CSMD1: variants seen among roughly 807,000 people sequenced by gnomAD.
CSMD1 encodes the protein CUB and sushi domain-containing protein 1.
CSMD1 carries 213 observed loss-of-function variants against 417.5 expected under a neutral mutation model. The ratio of observed to expected loss-of-function variants is 0.51; its 90% confidence interval spans 0.46 to 0.57. The LOEUF (loss-of-function observed/expected upper bound fraction) is 0.57. Ranked by LOEUF, CSMD1 falls within the 20% of genes least tolerant of loss-of-function variation. CSMD1 has a pLI of 0.00. For synonymous variants in CSMD1, 2,862 were observed against 1,736.8 expected (o/e 1.65, Z -16.11); for missense variants, 6,923 against 4,529.7 (o/e 1.53, Z -15.17).
At chr8:3,502,525 A>C (rs1471322090) in intron 10 of CSMD1, among the ~76,000 whole-genome samples, 1 of 152,206 alleles carries the variant, frequency 6.6e-6, no homozygotes, top group Non-Finnish European at 1.5e-5. Context: ...AATATTATTC[A>C]GGGCTAAAAG....
intron 5 of CSMD1, among the ~76,000 whole-genome samples, chr8:3,992,606 C>A (rs1477619975): frequency 6.6e-6 from 1 of 152,058 alleles, no homozygotes. Context: ...CAACACAGTA[C>A]GTCCGTGTGT....
chr8:4,199,290 G>T (rs1035011762), intron 3 of CSMD1, among the ~76,000 whole-genome samples: 1 of 152,170 alleles, frequency 6.6e-6, no homozygotes, highest in East Asian at 1.9e-4. Context: ...TCATTGATAT[G>T]CAGGCAGTGT....
At position 3,367,183 on chromosome 8, in the gene CSMD1, C is replaced by T. The variant is rs749444650; in HGVS notation, c.2964G>A (p.Glu988=). 1 of 1,613,642 alleles carries T rather than the reference C, an allele frequency of 6.2e-7. No homozygotes were observed. Among genetic ancestry groups the T allele is most frequent in the Non-Finnish European group, 8.5e-7 (1 of 1,179,780 alleles). ...ESSHDYLLIT[E]DGSFSEPVAR... The stretch of plus-strand genomic sequence containing the variant: ...CAACGGGCTCGGAAAAACTTCCATC[C>T]TCTGTGATCAGTAAATAGTCGTGGG... The change falls in exon 20 of 70, where the codon GAG becomes GAA. Residue 988 remains glutamate, a synonymous_variant. Transcript: ENST00000635120.
In CSMD1 at chr8:3,716,458, C is replaced by T. The variant is rs538860052; in HGVS notation, c.932-7967G>A. Among the ~76,000 whole-genome samples, 46 of 152,206 alleles carry T rather than the reference C, an allele frequency of 3.0e-4. 1 individual carries two copies. In the South Asian group the frequency reaches 9.3e-3, roughly 31 times the overall value. ...ATTATTCATGCCTCCCTTTTTTAGA[C>T]CATATAGAGTAACTTTGTGATGCTG... On this transcript the variant is annotated intron_variant, in intron 6 of 69. Coordinates refer to ENST00000635120, the MANE Select transcript of CSMD1 (RefSeq NM_033225.6).
intron 2 of CSMD1, among the ~76,000 whole-genome samples, chr8:4,591,513 G>C (rs1370114360): frequency 6.6e-6 from 1 of 152,182 alleles, no homozygotes; most frequent in Non-Finnish European, 1.5e-5. Context: ...GGAAGTCACT[G>C]TGGTATAGCG....
intron 5 of CSMD1, among the ~76,000 whole-genome samples, chr8:3,963,272 G>C (rs983468491): frequency 6.6e-6 from 1 of 152,144 alleles, no homozygotes; most frequent in Non-Finnish European, 1.5e-5. Context: ...TTACGAGTTT[G>C]AGGAATGCAT....
At chr8:4,085,652 G>A (rs1016742530) in intron 3 of CSMD1, among the ~76,000 whole-genome samples, 1 of 152,146 alleles carries the variant, frequency 6.6e-6, no homozygotes, top group Admixed American at 6.5e-5. Context: ...CCAGCCCTAG[G>A]TTTTTGCATA....
chr8:3,828,252 G>T (rs930585502), intron 5 of CSMD1, among the ~76,000 whole-genome samples: 1 of 152,058 alleles, frequency 6.6e-6, no homozygotes, highest in Non-Finnish European at 1.5e-5. Context: ...AAATGACAAC[G>T]TTATGTAAGA....
chr8:4,754,494 G>C (rs887417874), intron 1 of CSMD1, among the ~76,000 whole-genome samples: 3 of 151,350 alleles, frequency 2.0e-5, no homozygotes, highest in Admixed American at 6.6e-5. Flanking sequence ...GCACTTCCAA[G>C]TTTAGCATAA....
chr8:4,576,632 TTAAA>T (rs950305556), intron 2 of CSMD1, among the ~76,000 whole-genome samples: 10 of 152,168 alleles, frequency 6.6e-5, no homozygotes, highest in African/African-American at 1.2e-4. Flanking sequence ...ATAGCATTTA[TTAAA>T]TAAATATTTT....
chr8:3,223,982 C>A (rs1798352049), intron 27 of CSMD1, 115 bp from the exon 28 acceptor site: 1 of 984,652 alleles, frequency 1.0e-6, no homozygotes, highest in Non-Finnish European at 1.5e-6. Flanking sequence ...GCATTTTTAC[C>A]AGTCCAAGAG....
At chr8:4,710,999 T>C (rs1808257772) in intron 1 of CSMD1, among the ~76,000 whole-genome samples, 1 of 152,076 alleles carries the variant, frequency 6.6e-6, no homozygotes, top group Non-Finnish European at 1.5e-5. Flanking sequence ...ACATGTGAGG[T>C]GACGGACAGA....
intron 1 of CSMD1, among the ~76,000 whole-genome samples, chr8:4,739,099 TACAC>T (rs1207620327): frequency 6.6e-6 from 1 of 151,858 alleles, no homozygotes; most frequent in Non-Finnish European, 1.5e-5. Context: ...CATGTGAACA[TACAC>T]ACGTGCACAC....
Position 4,173,578 on chromosome 8 carries a change from A to G in CSMD1, c.416-141479T>C, listed in dbSNP as rs560164074. ...GATAAAATTATCAAATGATGTAACA[A>G]TATGATTCGCTGGGTTTAAAAGTTA... is the stretch of plus-strand genomic sequence containing the variant. On this transcript the variant is annotated intron_variant, in intron 3 of 69. Coordinates refer to ENST00000635120, the MANE Select transcript of CSMD1 (RefSeq NM_033225.6). 3.9e-5 allele frequency among the ~76,000 whole-genome samples: 6 copies of G among 152,268 alleles called. No individual in the cohort carries two copies. In the East Asian group the frequency reaches 1.2e-3, roughly 29 times the overall value.
At chr8:3,220,586 AC>A (rs1798150232) in intron 28 of CSMD1, among the ~76,000 whole-genome samples, 1 of 152,204 alleles carries the variant, frequency 6.6e-6, no homozygotes, top group African/African-American at 2.4e-5. Flanking sequence ...TAATCCCAGC[AC>A]TTTGGGAGGC....
chr8:3,711,714 G>C (rs1019031695), intron 6 of CSMD1, among the ~76,000 whole-genome samples: 1 of 152,132 alleles, frequency 6.6e-6, no homozygotes. Flanking sequence ...GCTCTCCCCA[G>C]GATAATGCTT....
chr8:3,524,917 G>T (rs887248572), intron 10 of CSMD1, among the ~76,000 whole-genome samples: 1 of 151,854 alleles, frequency 6.6e-6, no homozygotes, highest in African/African-American at 2.4e-5. Context: ...AATAAACTTG[G>T]TATCATGAAA....
chr8:3,076,312 A>AT (rs1813679026), intron 49 of CSMD1, among the ~76,000 whole-genome samples: 2 of 73,350 alleles, frequency 2.7e-5, no homozygotes, highest in African/African-American at 1.6e-4. Context: ...CTGCAGGCTA[A>AT]CTTCCTCTTT....
chr8:4,174,378 G>T (rs746529963), intron 3 of CSMD1, among the ~76,000 whole-genome samples: 3 of 152,002 alleles, frequency 2.0e-5, no homozygotes, highest in Non-Finnish European at 4.4e-5. Flanking sequence ...AGTCATTTGC[G>T]CAAGGCCTAA....
Sources: gnomAD v4.1 joint callset for allele counts (sites outside exome capture counted in the v4.1 genomes callset) on GRCh38, gnomAD v4.1.1 for gene constraint, MANE v1.5 for transcripts, NCBI Gene and HGNC (gene_info 2026-07-23, HGNC 2026-07-21) for gene names.